TENM4: variants seen among roughly 807,000 people sequenced by gnomAD.
TENM4 encodes teneurin transmembrane protein 4.
A neutral mutation model predicts 243.3 loss-of-function variants in TENM4; 82 were observed. The observed-to-expected ratio is 0.34, with a 90% confidence interval of 0.28 to 0.40. The LOEUF is 0.40. TENM4 is among the 10% of genes least tolerant of loss of function. TENM4 has a pLI of 1.00. For synonymous variants in TENM4, 1,412 were observed against 1,456.3 expected (o/e 0.97, Z 0.69); for missense variants, 3,138 against 3,673.3 (o/e 0.85, Z 3.77).
intron 10 of TENM4, among the ~76,000 whole-genome samples, chr11:78,857,746 C>T (rs11237639): frequency 6.6e-6 from 1 of 152,020 alleles, no homozygotes; most frequent in South Asian, 2.1e-4. Context: ...CAAAAACCAC[C>T]ACGCTGTGAT....
intron 19 of TENM4, among the ~76,000 whole-genome samples, chr11:78,740,439 T>C (rs561830250): frequency 1.2e-4 from 17 of 145,738 alleles, no homozygotes; most frequent in African/African-American, 4.0e-4. Context: ...AGGCCCTTGG[T>C]CTAAATGCAA....
chr11:79,326,277 T>C (rs1856974451), intron 1 of TENM4, among the ~76,000 whole-genome samples: 1 of 152,106 alleles, frequency 6.6e-6, no homozygotes, highest in Non-Finnish European at 1.5e-5. Flanking sequence ...TGGCTTCCAT[T>C]TCTCCTATAC....
At chr11:79,350,358 A>T (rs1857393903) in intron 1 of TENM4, among the ~76,000 whole-genome samples, 1 of 149,936 alleles carries the variant, frequency 6.7e-6, no homozygotes. Context: ...TACTGCTAAC[A>T]CCTTAGTCCG....
At chr11:79,278,332 A>G (rs1038225204) in intron 2 of TENM4, among the ~76,000 whole-genome samples, 1 of 152,228 alleles carries the variant, frequency 6.6e-6, no homozygotes, top group Non-Finnish European at 1.5e-5. Flanking sequence ...TCCATCAGGA[A>G]AATGAGACTG....
chr11:78,793,195 A>T (rs593443), intron 15 of TENM4, among the ~76,000 whole-genome samples: 1 of 152,004 alleles, frequency 6.6e-6, no homozygotes, highest in Non-Finnish European at 1.5e-5. Flanking sequence ...AAAGGGAAAG[A>T]CTTATGCACA....
chr11:79,157,148 G>A (rs946576106), intron 3 of TENM4, among the ~76,000 whole-genome samples: 2 of 152,128 alleles, frequency 1.3e-5, no homozygotes, highest in African/African-American at 4.8e-5. Flanking sequence ...TAGTAGCAGT[G>A]CAGGACACAG....
At chr11:78,787,891 G>T (rs1368859631) in intron 15 of TENM4, among the ~76,000 whole-genome samples, 4 of 152,160 alleles carry the variant, frequency 2.6e-5, no homozygotes, top group Non-Finnish European at 5.9e-5. Flanking sequence ...CAGGCTCCAG[G>T]CCAGCAACAG....
At chr11:78,970,411 T>G (rs1857516819) in intron 6 of TENM4, among the ~76,000 whole-genome samples, 1 of 152,206 alleles carries the variant, frequency 6.6e-6, no homozygotes, top group Non-Finnish European at 1.5e-5. Context: ...GGTTTGTCAG[T>G]GACAGCCCCG....
chr11:78,975,838 G>T (rs1857642736), intron 6 of TENM4, among the ~76,000 whole-genome samples: 1 of 151,988 alleles, frequency 6.6e-6, no homozygotes, highest in African/African-American at 2.4e-5. Context: ...ATATTAATTG[G>T]GTACCTACTA....
chr11:79,142,355 A>C (rs1862302506), intron 4 of TENM4, among the ~76,000 whole-genome samples: 1 of 152,152 alleles, frequency 6.6e-6, no homozygotes, highest in South Asian at 2.1e-4. Flanking sequence ...TCAGAAAAAA[A>C]AATTAAGAAT....
At chr11:79,044,728 TAAC>T (rs1221253673) in intron 6 of TENM4, among the ~76,000 whole-genome samples, 1 of 152,168 alleles carries the variant, frequency 6.6e-6, no homozygotes, top group Middle Eastern at 3.2e-3. Context: ...GGGGTGAATA[TAAC>T]AACATCTCAG....
At chr11:78,844,592 A>G (rs1316082699) in intron 12 of TENM4, among the ~76,000 whole-genome samples, 1 of 152,088 alleles carries the variant, frequency 6.6e-6, no homozygotes, top group East Asian at 1.9e-4. Context: ...CAGTGAACCA[A>G]GATTGCGCCA....
chr11:78,762,635 G>A (rs958451753), intron 18 of TENM4, among the ~76,000 whole-genome samples: 10 of 152,214 alleles, frequency 6.6e-5, no homozygotes, highest in East Asian at 5.8e-4. Context: ...TAGTAACTGC[G>A]GACAAAACTT....
intron 4 of TENM4, among the ~76,000 whole-genome samples, chr11:79,105,870 T>C (rs1861353264): frequency 6.6e-6 from 1 of 152,064 alleles, no homozygotes; most frequent in African/African-American, 2.4e-5. Flanking sequence ...GTATTATGAA[T>C]TAATGGTGCT....
chr11:79,378,134 G>A (rs556269388), intron 1 of TENM4, among the ~76,000 whole-genome samples: 49 of 152,340 alleles, frequency 3.2e-4, no homozygotes, highest in Admixed American at 2.6e-4. Context: ...GGTACCACCT[G>A]AAAATGTCAA....
chr11:79,275,375 T>C (rs1856037734), intron 2 of TENM4, among the ~76,000 whole-genome samples: 1 of 152,190 alleles, frequency 6.6e-6, no homozygotes, highest in African/African-American at 2.4e-5. Context: ...GCTTTTAAGT[T>C]ATTTATGTGC....
intron 1 of TENM4, among the ~76,000 whole-genome samples, chr11:79,417,708 G>T (rs567541148): frequency 6.6e-6 from 1 of 152,294 alleles, no homozygotes; most frequent in East Asian, 1.9e-4. Context: ...AAGTGTCCTT[G>T]CTTCATCAGA....
chr11:79,022,394 CA>C (rs1381633787), intron 6 of TENM4, among the ~76,000 whole-genome samples: 1 of 152,074 alleles, frequency 6.6e-6, no homozygotes, highest in Non-Finnish European at 1.5e-5. Context: ...GATGTGCCAC[CA>C]GTCTCAGCTA....
At position 79,064,973 on chromosome 11, in the gene TENM4, T is replaced by G. The variant is rs1007198084; in HGVS notation, c.258A>C (p.Glu86Asp). Residue 86 changes from glutamate to aspartate, a missense_variant, in exon 6 of 34, where the codon GAA becomes GAC. Around this residue, in one of 2 missense-constraint regions of TENM4, gnomAD observed 671 missense variants for 614.1 expected, o/e 1.09. Coordinates refer to ENST00000278550, the MANE Select transcript of TENM4 (RefSeq NM_001098816.3). ...ANFTLRELGL[E>D]EVTPPHGTLY... ...GGGTCCCGTGAGGGGGCGTTACTTC[T>G]TCCAGCCCCAGCTCCCGCAGGGTGA... The G allele has an allele frequency of 6.8e-7, 1 of 1,467,428 alleles. No individual in the cohort carries two copies. The highest frequency in any genetic ancestry group is 1.4e-5 in the African/African-American group (1 of 70,650). The allele number at this position is 1,467,428 out of a possible 1,614,324, so 90.9% of individuals were successfully genotyped here.
Sources: gnomAD v4.1 joint callset for allele counts (sites outside exome capture counted in the v4.1 genomes callset) on GRCh38, gnomAD v4.1.1 for gene constraint, gnomAD v4.1.1 regional missense constraint, MANE v1.5 for transcripts, NCBI Gene and HGNC (gene_info 2026-07-23, HGNC 2026-07-21) for gene names.